Variants in DIS3L2 observed in about 807,000 individuals in gnomAD.
DIS3L2 encodes DIS3-like exonuclease 2.
DIS3L2 carries 34 observed loss-of-function variants against 97.5 expected under a neutral mutation model. That is an observed-to-expected ratio of 0.35 (90% CI 0.27 to 0.46). The LOEUF is 0.46. DIS3L2 is among the 20% of genes least tolerant of loss of function. The pLI, the probability that DIS3L2 is intolerant of heterozygous loss-of-function variation, is 1.00. For missense variants in DIS3L2, 1,038 were observed against 1,146.0 expected, an observed-to-expected ratio of 0.91 and a Z score of 1.36; for synonymous variants, 435 against 445.2, an observed-to-expected ratio of 0.98 and a Z score of 0.29.
chr2:232,020,202 A>G lies in DIS3L2; in HGVS notation c.211-4075A>G, dbSNP rs182468719. On this transcript the variant is annotated intron_variant, in intron 3 of 20. Coordinates refer to ENST00000325385, the MANE Select transcript of DIS3L2 (RefSeq NM_152383.5). ...ATGCTGGAGAATTGGATTTTGTTCA[A>G]AGAGCAGCAGGAAGTCACTGAAGGC... 1.3e-3 allele frequency among the ~76,000 whole-genome samples: 196 copies of G among 152,302 alleles called. 1 individual carries two copies. The highest frequency in any genetic ancestry group is 2.0e-3 in the Non-Finnish European group (133 of 68,028).
chr2:232,043,662 C>T (rs1477556981), intron 5 of DIS3L2, among the ~76,000 whole-genome samples: 1 of 152,092 alleles, frequency 6.6e-6, no homozygotes, highest in East Asian at 1.9e-4. Context: ...GTAATTATTG[C>T]TTTAAAGTAC....
At chr2:232,198,099 C>T (rs1691802407) in intron 9 of DIS3L2, among the ~76,000 whole-genome samples, 1 of 152,066 alleles carries the variant, frequency 6.6e-6, no homozygotes. Flanking sequence ...CTCTGCAGTT[C>T]TGTGACCTTG....
chr2:232,050,259 T>G (rs530651409), intron 5 of DIS3L2, among the ~76,000 whole-genome samples: 21 of 152,262 alleles, frequency 1.4e-4, no homozygotes, highest in African/African-American at 4.8e-4. Context: ...TTTTCTCCAC[T>G]TAGTTGTAGA....
intron 3 of DIS3L2, among the ~76,000 whole-genome samples, chr2:232,016,725 A>T (rs547090498): frequency 6.6e-6 from 1 of 152,106 alleles, no homozygotes; most frequent in East Asian, 1.9e-4. Flanking sequence ...TCTGTGAATT[A>T]AGTCTATTTC....
intron 5 of DIS3L2, among the ~76,000 whole-genome samples, chr2:232,077,897 GC>G (rs921584345): frequency 6.6e-6 from 1 of 151,664 alleles, no homozygotes; most frequent in Non-Finnish European, 1.5e-5. Context: ...TCAGCACCAG[GC>G]CCTTTACTGT....
At chr2:232,207,582 T>G (rs1692064798) in intron 9 of DIS3L2, among the ~76,000 whole-genome samples, 1 of 152,188 alleles carries the variant, frequency 6.6e-6, no homozygotes, top group African/African-American at 2.4e-5. Context: ...GCCTACACTG[T>G]GTGTGACTCT....
intron 5 of DIS3L2, among the ~76,000 whole-genome samples, chr2:232,035,000 G>C (rs1694911420): frequency 6.6e-6 from 1 of 152,202 alleles, no homozygotes; most frequent in African/African-American, 2.4e-5. Flanking sequence ...ATCCAGAGCT[G>C]AGTTCAAGTC....
intron 9 of DIS3L2, among the ~76,000 whole-genome samples, chr2:232,188,766 G>T (rs957237734): frequency 6.6e-6 from 1 of 152,160 alleles, no homozygotes; most frequent in African/African-American, 2.4e-5. Context: ...TATGAAAGAT[G>T]CTGTTAAGAA....
At chr2:232,109,703 A>T (rs1167647106) in intron 6 of DIS3L2, among the ~76,000 whole-genome samples, 1 of 152,162 alleles carries the variant, frequency 6.6e-6, no homozygotes, top group East Asian at 1.9e-4. Context: ...TACACTATAT[A>T]CACAAATCAA....
At chr2:232,071,411 G>C (rs912533075) in intron 5 of DIS3L2, among the ~76,000 whole-genome samples, 26 of 152,084 alleles carry the variant, frequency 1.7e-4, no homozygotes, top group African/African-American at 6.3e-4. Flanking sequence ...AGTCCCAGCT[G>C]TTCGGGAGGC....
intron 6 of DIS3L2, among the ~76,000 whole-genome samples, chr2:232,089,971 C>G (rs1696788642): frequency 6.6e-6 from 1 of 152,014 alleles, no homozygotes; most frequent in Non-Finnish European, 1.5e-5. Context: ...ACTTTTTTGC[C>G]CAGGCTAGAG....
intron 16 of DIS3L2, among the ~76,000 whole-genome samples, chr2:232,333,462 G>C (rs1233829154): frequency 6.6e-6 from 1 of 152,164 alleles, no homozygotes; most frequent in Non-Finnish European, 1.5e-5. Flanking sequence ...ACTGGACTTC[G>C]GAGGCTCAGC....
chr2:231,971,099 T>G (rs1248170954), intron 1 of DIS3L2, among the ~76,000 whole-genome samples: 1 of 152,196 alleles, frequency 6.6e-6, no homozygotes, highest in East Asian at 1.9e-4. Context: ...TAACAGTGCC[T>G]TCTTCTGGAT....
At chr2:232,110,898 AAAAAG>A (rs1697507615) in intron 6 of DIS3L2, among the ~76,000 whole-genome samples, 1 of 152,174 alleles carries the variant, frequency 6.6e-6, no homozygotes, top group African/African-American at 2.4e-5. Flanking sequence ...ATTAAAAAAA[AAAAAG>A]AAAATGGTAA....
chr2:232,287,748 T>G (rs1402542835), intron 13 of DIS3L2, among the ~76,000 whole-genome samples: 2 of 152,146 alleles, frequency 1.3e-5, no homozygotes, highest in Non-Finnish European at 2.9e-5. Flanking sequence ...TTGGTCTTTG[T>G]ATTTCATATT....
chr2:232,137,917 C>G (rs779298724), intron 8 of DIS3L2, among the ~76,000 whole-genome samples: 3 of 152,160 alleles, frequency 2.0e-5, no homozygotes, highest in Admixed American at 6.5e-5. Context: ...CAAGCTTGCC[C>G]GTTTCTCACC....
At chr2:232,065,089 T>C (rs915825861) in intron 5 of DIS3L2, among the ~76,000 whole-genome samples, 18 of 152,110 alleles carry the variant, frequency 1.2e-4, no homozygotes, top group African/African-American at 4.1e-4. Flanking sequence ...CTCCTTTTCT[T>C]CTTTCTTCTT....
At chr2:232,154,800 G>T (rs9752868) in intron 8 of DIS3L2, among the ~76,000 whole-genome samples, 58,603 of 134,852 alleles carry the variant, frequency 0.43, 15,429 homozygotes, top group Non-Finnish European at 0.6. Context: ...CCCTCCCCCA[G>T]CCTCGTTGCC....
intron 12 of DIS3L2, among the ~76,000 whole-genome samples, chr2:232,256,065 G>A (rs997466342): frequency 6.6e-6 from 1 of 152,176 alleles, no homozygotes; most frequent in Admixed American, 6.5e-5. Context: ...TCTGCATACA[G>A]CTGTCAGAGT....
Sources: gnomAD v4.1 joint callset for allele counts (sites outside exome capture counted in the v4.1 genomes callset) on GRCh38, gnomAD v4.1.1 for gene constraint, MANE v1.5 for transcripts, NCBI Gene and HGNC (gene_info 2026-07-23, HGNC 2026-07-21) for gene names.